The following ANKHD1 variants were observed in gnomAD, a reference collection of about 807,000 sequenced individuals.
ANKHD1 encodes the protein ankyrin repeat and KH domain-containing protein 1.
In ANKHD1, 31 loss-of-function variants were observed where a neutral mutation model predicts 230.5. The observed-to-expected ratio is 0.13, with a 90% CI of 0.10 to 0.18. The LOEUF is 0.18. ANKHD1 is among the 10% of genes least tolerant of loss of function. ANKHD1 has a pLI of 1.00. For missense variants in ANKHD1, 2,256 were observed against 3,071.3 expected (o/e 0.73, Z 6.27); for synonymous variants, 1,074 against 1,117.6 (o/e 0.96, Z 0.78).
intron 10 of ANKHD1, among the ~76,000 whole-genome samples, chr5:140,475,434 G>A (rs889063895): frequency 2.6e-5 from 4 of 151,978 alleles, no homozygotes; most frequent in East Asian, 1.9e-4. Context: ...GCAAGGAACC[G>A]GCATCTTATT....
Position 140,485,562 on chromosome 5 carries a change from T to C in ANKHD1, c.1999-27T>C. On this transcript the variant is annotated intron_variant, in intron 12 of 33. Coordinates refer to ENST00000360839, the MANE Select transcript of ANKHD1 (RefSeq NM_017747.3). This position sits in a 1 kb window ranked among gnomAD's most constrained non-coding sequence, Gnocchi z 4.8. ...TGAGCTGCTAAGAAACTATAAAGAA[T>C]TAATTATCATGGCAATTCTTTTTCA... 1.2e-6 allele frequency: 2 copies of C among 1,611,856 alleles called. No individual in the cohort carries two copies. Among genetic ancestry groups the C allele is most frequent in the Non-Finnish European group, 1.7e-6 (2 of 1,179,278 alleles).
At position 140,485,013 on chromosome 5, in the gene ANKHD1, AT is replaced by A. The variant is rs1197477687; in HGVS notation, c.1871-101del. The A allele has an allele frequency of 1.4e-6, 2 of 1,412,408 alleles. No homozygotes were observed. Among genetic ancestry groups the A allele is most frequent in the East Asian group, 2.6e-5 (1 of 38,364 alleles). 87.5% of individuals were successfully genotyped at this position (1,412,408 alleles called of 1,614,324 possible). The stretch of plus-strand genomic sequence containing the variant: ...AAACTATACACTTAATGATTTGTAT[AT>A]TTTTTTGTATCTACATTATACTTCA... On this transcript the variant is annotated intron_variant, in intron 11 of 33. Transcript: ENST00000360839. The surrounding 1 kb of genome is among the most constrained non-coding windows in gnomAD (Gnocchi z 4.8).
chr5:140,527,827 A>G lies in ANKHD1; in HGVS notation c.5088-46A>G, dbSNP rs977867528. 1.7e-5 allele frequency: 26 copies of G among 1,561,882 alleles called. No homozygotes were observed. Among genetic ancestry groups the G allele is most frequent in the African/African-American group, 2.7e-5 (2 of 73,044 alleles). ...CTTACTAAGACATCTTTCTTAATAA[A>G]GAGACATTTAATTTCATAAGCTCAT... On this transcript the variant is annotated intron_variant, in intron 27 of 33. Transcript: ENST00000360839. This position sits in a 1 kb window ranked among gnomAD's most constrained non-coding sequence, Gnocchi z 4.5.
intron 1 of ANKHD1, among the ~76,000 whole-genome samples, chr5:140,422,921 G>C (rs1305674773): frequency 6.6e-6 from 1 of 151,582 alleles, no homozygotes; most frequent in Non-Finnish European, 1.5e-5. Context: ...TTTCGCCCAG[G>C]CTGGAGTGCA....
intron 10 of ANKHD1, chr5:140,472,569 T>A: frequency 2.9e-6 from 2 of 685,290 alleles, no homozygotes; most frequent in Non-Finnish European, 3.9e-6. Context: ...TCTTTTACAT[T>A]CTCCTTTATT....
chr5:140,517,116 CAAAA>C (rs1161103441), intron 24 of ANKHD1, among the ~76,000 whole-genome samples: 3 of 144,580 alleles, frequency 2.1e-5, no homozygotes, highest in Non-Finnish European at 3.0e-5. Flanking sequence ...AAATGGAAAA[CAAAA>C]AAAGGCAGGG....
At chr5:140,492,879 A>G (rs1751869208) in intron 14 of ANKHD1, among the ~76,000 whole-genome samples, 1 of 152,216 alleles carries the variant, frequency 6.6e-6, no homozygotes, top group African/African-American at 2.4e-5. Flanking sequence ...AAAAAACTAA[A>G]TATTTGGCAA....
intron 1 of ANKHD1, among the ~76,000 whole-genome samples, chr5:140,435,815 G>A (rs533446267): frequency 1.3e-5 from 2 of 152,192 alleles, no homozygotes; most frequent in Admixed American, 6.5e-5. Flanking sequence ...GATCACAGGC[G>A]TGGGCCACTG....
chr5:140,425,602 G>T (rs145904286), intron 1 of ANKHD1, among the ~76,000 whole-genome samples: 188 of 149,410 alleles, frequency 1.3e-3, no homozygotes, highest in African/African-American at 4.5e-3. Flanking sequence ...GTCTGAGACT[G>T]GGGGGGAATA....
chr5:140,485,364 C>T lies in ANKHD1; in HGVS notation c.1998+116C>T, dbSNP rs1302811112. ...TTGAGCCCAGGAGTTTGAGACTAGT[C>T]TAGGCAACATAAGGAGACCCCATCT... On this transcript the variant is annotated intron_variant, in intron 12 of 33. Transcript: ENST00000360839. This position sits in a 1 kb window ranked among gnomAD's most constrained non-coding sequence, Gnocchi z 4.8. 2.3e-5 allele frequency: 33 copies of T among 1,415,906 alleles called. No individual in the cohort carries two copies. The highest frequency in any genetic ancestry group is 2.9e-5 in the African/African-American group (2 of 67,844). The allele number at this position is 1,415,906 out of a possible 1,614,324, so 87.7% of individuals were successfully genotyped here. A position where few individuals can be genotyped will look rare whatever the true frequency, so the allele number is the denominator to read the frequency against.
At chr5:140,516,592 C>T (rs1384289174) in intron 24 of ANKHD1, among the ~76,000 whole-genome samples, 1 of 152,188 alleles carries the variant, frequency 6.6e-6, no homozygotes, top group African/African-American at 2.4e-5. Context: ...GCAGATCTCT[C>T]GGCAGAAACT....
In ANKHD1 at chr5:140,496,443, CTTTTTTTTTTTTCTTTTCTTTTTTTTT is replaced by C. The variant is rs1752043144; in HGVS notation, c.2246-64_2246-38del. The C allele has an allele frequency of 5.5e-6, 4 of 721,236 alleles. No individual in the cohort carries two copies. In the South Asian group the frequency reaches 9.4e-5, roughly 17 times the overall value. 44.7% of individuals were successfully genotyped at this position (721,236 alleles called of 1,614,324 possible). Reference sequence around the variant, plus strand: ...GTGTGTGGGAGGGGAGGCTGGTTTTCTTTTTTTTTTTTCTTTTCTTTTTTTTTTTTTTTTTTTTTAGCATGGCACTCT... The same window carrying C: ...GTGTGTGGGAGGGGAGGCTGGTTTTCTTTTTTTTTTTTAGCATGGCACTCT... On this transcript the variant is annotated intron_variant, in intron 14 of 33. Transcript: ENST00000360839.
intron 10 of ANKHD1, among the ~76,000 whole-genome samples, chr5:140,468,842 G>A (rs1233853483): frequency 6.6e-6 from 1 of 152,028 alleles, no homozygotes; most frequent in Non-Finnish European, 1.5e-5. Flanking sequence ...AGTAAATATT[G>A]CTAGGCATAT....
intron 21 of ANKHD1, 36 bp downstream of exon 21, chr5:140,509,848 G>A (rs755298956): frequency 5.1e-6 from 8 of 1,580,450 alleles, no homozygotes; most frequent in Non-Finnish European, 6.8e-6. Flanking sequence ...AACTTCTCAT[G>A]GTCATTTTCA....
At chr5:140,465,328 C>A (rs551328617) in intron 10 of ANKHD1, among the ~76,000 whole-genome samples, 2 of 152,276 alleles carry the variant, frequency 1.3e-5, no homozygotes, top group African/African-American at 2.4e-5. Context: ...TACATTCCTA[C>A]AAATTCTATT....
chr5:140,444,475 T>C (rs1294984942), intron 5 of ANKHD1, among the ~76,000 whole-genome samples: 2 of 152,182 alleles, frequency 1.3e-5, no homozygotes, highest in Non-Finnish European at 2.9e-5. Context: ...GCAGTCAGTC[T>C]CAGGAGAGAC....
intron 10 of ANKHD1, among the ~76,000 whole-genome samples, chr5:140,467,658 A>T (rs1776186133): frequency 6.6e-6 from 1 of 152,240 alleles, no homozygotes; most frequent in Non-Finnish European, 1.5e-5. Flanking sequence ...TTTTATATTT[A>T]AAACCTATGA....
chr5:140,536,602 T>G (rs931268670), intron 30 of ANKHD1, among the ~76,000 whole-genome samples: 18 of 152,182 alleles, frequency 1.2e-4, no homozygotes, highest in African/African-American at 4.3e-4. Context: ...CATTTGACCT[T>G]ATTTCCTTAT....
chr5:140,497,330 C>A, intron 15 of ANKHD1, 52 bp downstream of exon 15: 1 of 1,535,368 alleles, frequency 6.5e-7, no homozygotes, highest in Admixed American at 2.0e-5. Context: ...GTGTGCTGAA[C>A]TTCTTTATAT....
Sources: gnomAD v4.1 joint callset for allele counts (sites outside exome capture counted in the v4.1 genomes callset) on GRCh38, gnomAD v4.1.1 for gene constraint, Gnocchi (gnomAD v3.1) non-coding constraint, MANE v1.5 for transcripts, NCBI Gene and HGNC (gene_info 2026-07-23, HGNC 2026-07-21) for gene names.